The following POLR1C variants were observed in gnomAD, a reference collection of about 807,000 sequenced individuals.
POLR1C encodes the protein RNA polymerase I and III subunit C, also known as DNA-directed RNA polymerases I and III subunit RPAC1.
In POLR1C, 42 loss-of-function variants were observed where a neutral mutation model predicts 38.3. The ratio of observed to expected loss-of-function variants is 1.10; its 90% confidence interval spans 0.86 to 1.42. POLR1C has a LOEUF of 1.42. Ranked by LOEUF, POLR1C falls within the 40% of genes most tolerant of loss-of-function variation. POLR1C has a pLI of 0.00. For missense variants in POLR1C, 507 were observed against 450.5 expected (o/e 1.13, Z -1.14); for synonymous variants, 163 against 163.9 (o/e 0.99, Z 0.04).
intron 10 of POLR1C, chr6:43,560,160 T>G: frequency 6.2e-7 from 1 of 1,610,668 alleles, no homozygotes. Flanking sequence ...TCCACATGTT[T>G]AGATTCCCAT....
rs1307673092 is a variant in POLR1C, at chr6:43,520,347, C to T, written c.575C>T (p.Pro192Leu). The change falls in exon 6 of 9, where the codon CCA becomes CTA. Residue 192 changes from proline (P) to leucine (L), a missense_variant. Transcript: ENST00000642195. ...CTCTTTCCAGAGGGCACTATCCGAC[C>T]AGTGCATGATGATATCCTCATCGCT... is the stretch of plus-strand genomic sequence containing the variant. ...ADLFPEGTIR[P>L]VHDDILIAQL... 2.5e-6 allele frequency: 4 copies of T among 1,613,510 alleles called. No homozygotes were observed. The South Asian group carries it at 3.3e-5, about 13-fold the overall frequency.
chr6:43,519,158 CTT>C lies in POLR1C; in HGVS notation c.142-172_142-171del, dbSNP rs1793006233. ...AATGAATGGACGACAAAAATGGAGA[CTT>C]TTCATGAAACTTAAAACACTGGGCG... On this transcript the variant is annotated intron_variant, in intron 2 of 8. Coordinates refer to ENST00000642195, the MANE Select transcript of POLR1C (RefSeq NM_203290.4). 7 of 652,126 alleles carry C rather than the reference CTT, an allele frequency of 1.1e-5. No homozygotes were observed. In the Admixed American group the frequency reaches 1.1e-4, roughly 11 times the overall value. 40.4% of individuals were successfully genotyped at this position (652,126 alleles called of 1,614,324 possible).
chr6:43,523,838 A>C (rs1161740874), downstream of POLR1C: 1 of 1,613,860 alleles, frequency 6.2e-7, no homozygotes, highest in South Asian at 1.1e-5. Context: ...ATGACAAGAA[A>C]GGCCGAGGAA....
intron 2 of POLR1C, among the ~76,000 whole-genome samples, chr6:43,517,632 G>A (rs1792902982): frequency 6.6e-6 from 1 of 152,148 alleles, no homozygotes; most frequent in African/African-American, 2.4e-5. Flanking sequence ...GGTTGATAGC[G>A]ATGAAGACGG....
At chr6:43,520,800 G>A (rs1793125505) in intron 7 of POLR1C, 26 bp downstream of exon 7, 2 of 1,612,780 alleles carry the variant, frequency 1.2e-6, no homozygotes, top group East Asian at 4.5e-5. Flanking sequence ...TGCTGTTCAA[G>A]TTAGGACCTA....
intron 10 of POLR1C, among the ~76,000 whole-genome samples, chr6:43,558,293 C>T (rs1428471426): frequency 6.6e-6 from 1 of 152,108 alleles, no homozygotes; most frequent in African/African-American, 2.4e-5. Flanking sequence ...TGTCTAAGTG[C>T]TGTGGGGGTT....
In POLR1C at chr6:43,543,459, A is replaced by C. The variant is rs533782448; in HGVS notation, c.*5-7509A>C. Among the ~76,000 whole-genome samples, 41 of 142,634 alleles carry C rather than the reference A, an allele frequency of 2.9e-4. No homozygotes were observed. In the East Asian group the frequency reaches 7.7e-3, roughly 27 times the overall value. 93.6% of individuals were successfully genotyped at this position (142,634 alleles called of 152,430 possible). On this transcript the variant is annotated intron_variant, in intron 9 of 10. Transcript: ENST00000607635. ...CAGGATAAGATCGTGCCTCAAAAGT[A>C]AGTAAGTAAGTAAATAAATAAATAA...
chr6:43,530,292 T>G (rs1014055135), downstream of POLR1C, among the ~76,000 whole-genome samples: 1 of 151,640 alleles, frequency 6.6e-6, no homozygotes, highest in South Asian at 2.1e-4. Flanking sequence ...GGCGTGATGG[T>G]GCACACCTGT....
chr6:43,537,123 C>T (rs891261753), intron 9 of POLR1C, among the ~76,000 whole-genome samples: 1 of 149,798 alleles, frequency 6.7e-6, no homozygotes, highest in Non-Finnish European at 1.5e-5. Context: ...TGCACCACCA[C>T]ACGTGAATAA....
At chr6:43,547,729 A>G (rs1795030082) in intron 9 of POLR1C, 1 of 1,603,606 alleles carries the variant, frequency 6.2e-7, no homozygotes, top group Non-Finnish European at 8.5e-7. Flanking sequence ...AGGGGGAAAA[A>G]CAAGTTACAT....
intron 10 of POLR1C, chr6:43,560,061 C>G: frequency 7.7e-7 from 1 of 1,292,682 alleles, no homozygotes; most frequent in Non-Finnish European, 1.0e-6. Context: ...TCAAGCGATC[C>G]TCCCGCCTCA....
intron 9 of POLR1C, among the ~76,000 whole-genome samples, chr6:43,542,891 A>C (rs1259319165): frequency 6.6e-6 from 1 of 152,204 alleles, no homozygotes; most frequent in African/African-American, 2.4e-5. Context: ...AATTATATAT[A>C]TATGTTCACA....
chr6:43,527,905 T>C (rs1230360165), intron 8 of POLR1C, among the ~76,000 whole-genome samples: 1 of 152,210 alleles, frequency 6.6e-6, no homozygotes, highest in Non-Finnish European at 1.5e-5. Context: ...TACTAGTGAC[T>C]CTGTCCAGTT....
intron 10 of POLR1C, chr6:43,551,566 A>G: frequency 7.6e-7 from 1 of 1,309,178 alleles, no homozygotes; most frequent in Non-Finnish European, 1.1e-6. Flanking sequence ...TCTGTCACCT[A>G]GGCTGGAGTG....
At chr6:43,539,159 C>A in intron 9 of POLR1C, 4 of 1,104,770 alleles carry the variant, frequency 3.6e-6, no homozygotes, top group Admixed American at 1.9e-5. Context: ...TGTCACCTTG[C>A]AGGGGACGGT....
chr6:43,537,476 G>T (rs776849246), intron 9 of POLR1C, among the ~76,000 whole-genome samples: 8 of 152,152 alleles, frequency 5.3e-5, no homozygotes, highest in Non-Finnish European at 1.0e-4. Context: ...CGGCAATATG[G>T]TGTCTGTCCT....
chr6:43,526,740 G>A (rs1582193951), intron 8 of POLR1C: 1 of 1,613,752 alleles, frequency 6.2e-7, no homozygotes, highest in African/African-American at 1.3e-5. Flanking sequence ...TTGAAACACA[G>A]CAAACCGCTA....
At chr6:43,551,293 T>A in intron 10 of POLR1C, 1 of 1,596,406 alleles carries the variant, frequency 6.3e-7, no homozygotes, top group South Asian at 1.1e-5. Context: ...AGATGGGCTT[T>A]ATACCTTAGA....
downstream of POLR1C, chr6:43,533,863 A>G: frequency 7.0e-7 from 1 of 1,436,572 alleles, no homozygotes. Flanking sequence ...GACATCCATT[A>G]GGGATAAGAT....
Sources: allele counts gnomAD v4.1 joint callset (sites outside exome capture counted in the v4.1 genomes callset), GRCh38; gene constraint gnomAD v4.1.1; transcripts MANE v1.5; gene names NCBI Gene and HGNC (gene_info 2026-07-23, HGNC 2026-07-21).